The following EPM2A variants were observed in gnomAD, a reference collection of about 807,000 sequenced individuals.
EPM2A encodes EPM2A glucan phosphatase, laforin, also known as laforin.
A neutral mutation model predicts 26.5 loss-of-function variants in EPM2A; 21 were observed. The ratio of observed to expected loss-of-function variants is 0.79; its 90% confidence interval spans 0.56 to 1.14. EPM2A has a LOEUF of 1.14. EPM2A is among the 50% of genes most tolerant of loss of function. The probability of loss-of-function intolerance (pLI) is 0.00; values close to 1 mark genes in which losing one functional copy is unlikely to be tolerated. For synonymous variants in EPM2A, 217 were observed against 177.6 expected, an observed-to-expected ratio of 1.22 and a Z score of -1.76; for missense variants, 458 against 440.8, an observed-to-expected ratio of 1.04 and a Z score of -0.35.
chr6:145,494,655 G>A (rs1034896680), intron 4 of EPM2A, among the ~76,000 whole-genome samples: 15 of 152,110 alleles, frequency 9.9e-5, no homozygotes, highest in Non-Finnish European at 1.9e-4. Flanking sequence ...CACTGCCTTA[G>A]TGTGTCCCAG....
At chr6:145,708,840 A>G (rs779009977) in intron 1 of EPM2A, among the ~76,000 whole-genome samples, 13 of 152,232 alleles carry the variant, frequency 8.5e-5, no homozygotes, top group Non-Finnish European at 1.9e-4. Context: ...CTGTGTGCCT[A>G]GAAAAGACAC....
At chr6:145,540,210 C>T (rs1168272742) in intron 2 of EPM2A, among the ~76,000 whole-genome samples, 2 of 152,104 alleles carry the variant, frequency 1.3e-5, no homozygotes, top group African/African-American at 4.8e-5. Context: ...GATCTGTTGC[C>T]CTTGCTGTAT....
intron 2 of EPM2A, 83 bp downstream of exon 2, chr6:145,686,039 T>G: frequency 1.5e-6 from 2 of 1,311,096 alleles, no homozygotes; most frequent in Non-Finnish European, 2.2e-6. Flanking sequence ...GGCACTGCAG[T>G]TTCGAACACA....
intron 4 of EPM2A, among the ~76,000 whole-genome samples, chr6:145,473,099 C>G (rs1157898924): frequency 1.3e-5 from 2 of 151,818 alleles, no homozygotes; most frequent in East Asian, 1.9e-4. Flanking sequence ...GATATGTCAC[C>G]TTTTAAACAG....
chr6:145,434,763 C>T (rs1778966696), intron 4 of EPM2A, among the ~76,000 whole-genome samples: 1 of 152,152 alleles, frequency 6.6e-6, no homozygotes, highest in Non-Finnish European at 1.5e-5. Flanking sequence ...CAGTTACTAG[C>T]AGCCAATTCT....
intron 2 of EPM2A, among the ~76,000 whole-genome samples, chr6:145,508,269 G>A (rs1400989280): frequency 1.3e-5 from 2 of 152,208 alleles, no homozygotes; most frequent in African/African-American, 2.4e-5. Context: ...CACCAAAGGT[G>A]AGCATGAGCT....
At chr6:145,606,097 C>T (rs1446991540) in intron 2 of EPM2A, among the ~76,000 whole-genome samples, 2 of 151,956 alleles carry the variant, frequency 1.3e-5, no homozygotes, top group East Asian at 3.9e-4. Context: ...TCACATTTCA[C>T]CAAAGAGAAA....
At chr6:145,456,283 C>T (rs1779261688) in intron 4 of EPM2A, among the ~76,000 whole-genome samples, 1 of 152,152 alleles carries the variant, frequency 6.6e-6, no homozygotes, top group African/African-American at 2.4e-5. Flanking sequence ...GGTAGTTACC[C>T]TAACCTTAAA....
chr6:145,527,308 G>A (rs775802657), intron 2 of EPM2A, among the ~76,000 whole-genome samples: 5 of 152,002 alleles, frequency 3.3e-5, no homozygotes, highest in South Asian at 4.1e-4. Context: ...AAGTTTAATT[G>A]GTCAAATGGT....
At chr6:145,571,122 A>G (rs1780948927) in intron 2 of EPM2A, among the ~76,000 whole-genome samples, 1 of 152,188 alleles carries the variant, frequency 6.6e-6, no homozygotes, top group Non-Finnish European at 1.5e-5. Context: ...GGTGATGGTG[A>G]GTGGTGCCAC....
intron 4 of EPM2A, among the ~76,000 whole-genome samples, chr6:145,387,240 C>T (rs752920124): frequency 6.6e-6 from 1 of 152,114 alleles, no homozygotes; most frequent in Non-Finnish European, 1.5e-5. Context: ...CTCAAGAAAA[C>T]GCCTACACAC....
intron 2 of EPM2A, chr6:145,639,063 G>T (rs1776895929): frequency 6.6e-6 from 1 of 152,132 alleles, no homozygotes; most frequent in African/African-American, 2.4e-5. Flanking sequence ...AAAGAAGCCT[G>T]TTGACATATG....
chr6:145,671,679 T>A (rs896808559), intron 2 of EPM2A, among the ~76,000 whole-genome samples: 6 of 152,290 alleles, frequency 3.9e-5, no homozygotes, highest in South Asian at 4.1e-4. Flanking sequence ...TTAGTCTGTC[T>A]CCAAAGTAAT....
chr6:145,468,339 T>C (rs889329101), intron 4 of EPM2A, among the ~76,000 whole-genome samples: 9 of 152,138 alleles, frequency 5.9e-5, no homozygotes, highest in Non-Finnish European at 5.9e-5. Flanking sequence ...AAGTTCCTCA[T>C]AAAAGCCACC....
At chr6:145,387,006 G>A (rs546883180) in intron 4 of EPM2A, among the ~76,000 whole-genome samples, 2 of 152,172 alleles carry the variant, frequency 1.3e-5, no homozygotes, top group South Asian at 4.2e-4. Flanking sequence ...AAGTGGCAAT[G>A]GAAAAGTCAT....
chr6:145,557,708 G>A (rs547024171), intron 2 of EPM2A, among the ~76,000 whole-genome samples: 1 of 152,166 alleles, frequency 6.6e-6, no homozygotes, highest in South Asian at 2.1e-4. Context: ...ATTAGCATAT[G>A]TATAACCTCA....
At position 145,625,957 on chromosome 6, in the gene EPM2A, C is replaced by T; in HGVS notation, c.*1459G>A. ...TTGAATCAAACCCAGCTTTGTATCT[C>T]ACTTCATCTATTTATTCATCATGTG... On this transcript the variant is annotated 3_prime_UTR_variant, in exon 4 of 4. Coordinates refer to ENST00000367519, the MANE Select transcript of EPM2A (RefSeq NM_005670.4). The T allele has an allele frequency of 6.5e-6, 8 of 1,240,052 alleles. No homozygotes were observed. Among genetic ancestry groups the T allele is most frequent in the Non-Finnish European group, 8.6e-6 (8 of 931,794 alleles). The allele number at this position is 1,240,052 out of a possible 1,614,324, so 76.8% of individuals were successfully genotyped here. A position where few individuals can be genotyped will look rare whatever the true frequency, so the allele number is the denominator to read the frequency against.
At chr6:145,663,280 T>C (rs1399104182) in intron 2 of EPM2A, among the ~76,000 whole-genome samples, 1 of 152,120 alleles carries the variant, frequency 6.6e-6, no homozygotes, top group Non-Finnish European at 1.5e-5. Context: ...TAGGAACAGC[T>C]CCAGTCTACA....
chr6:145,566,559 A>G (rs1780886713), intron 2 of EPM2A, among the ~76,000 whole-genome samples: 1 of 152,192 alleles, frequency 6.6e-6, no homozygotes. Context: ...CTTGACTACC[A>G]TGTCAATTCC....
Sources: allele counts gnomAD v4.1 joint callset (sites outside exome capture counted in the v4.1 genomes callset), GRCh38; gene constraint gnomAD v4.1.1; transcripts MANE v1.5; gene names NCBI Gene and HGNC (gene_info 2026-07-23, HGNC 2026-07-21).